DOCK5: variants seen among roughly 807,000 people sequenced by gnomAD.
DOCK5 encodes dedicator of cytokinesis 5, also known as dedicator of cytokinesis protein 5.
In DOCK5, 142 loss-of-function variants were observed where a neutral mutation model predicts 251.8. The ratio of observed to expected loss-of-function variants is 0.56; its 90% CI spans 0.49 to 0.65. The LOEUF (loss-of-function observed/expected upper bound fraction) is 0.65. Among genes scored for constraint, DOCK5 ranks in the 30% least tolerant of loss-of-function variants. The pLI is 0.00. For missense variants in DOCK5, 2,111 were observed against 2,312.3 expected, an observed-to-expected ratio of 0.91 and a Z score of 1.79; for synonymous variants, 842 against 835.5, an observed-to-expected ratio of 1.01 and a Z score of -0.13.
At chr8:25,254,098 G>A (rs1803347975) in intron 2 of DOCK5, among the ~76,000 whole-genome samples, 1 of 152,206 alleles carries the variant, frequency 6.6e-6, no homozygotes, top group Admixed American at 6.5e-5. Context: ...AATATAGTCA[G>A]CTGACCTTTG....
At chr8:25,317,619 T>G (rs1030852488) in intron 14 of DOCK5, among the ~76,000 whole-genome samples, 2 of 152,162 alleles carry the variant, frequency 1.3e-5, no homozygotes, top group African/African-American at 2.4e-5. Context: ...GTTTGTTTGT[T>G]TGTTTTTTTG....
intron 34 of DOCK5, 93 bp from the exon 35 acceptor site, chr8:25,372,466 C>G (rs1563219949): frequency 1.5e-6 from 2 of 1,340,176 alleles, no homozygotes; most frequent in Non-Finnish European, 2.0e-6. Flanking sequence ...AAATCCTGCC[C>G]CAGCCACTGC....
At chr8:25,335,259 A>T (rs1805775716) in intron 21 of DOCK5, among the ~76,000 whole-genome samples, 1 of 152,226 alleles carries the variant, frequency 6.6e-6, no homozygotes, top group Admixed American at 6.5e-5. Flanking sequence ...TCCACCCAGG[A>T]GCCTCACATC....
At chr8:25,297,905 A>G (rs1360638969) in intron 7 of DOCK5, among the ~76,000 whole-genome samples, 1 of 151,872 alleles carries the variant, frequency 6.6e-6, no homozygotes, top group South Asian at 2.1e-4. Context: ...ATTTTTTAAA[A>G]AATTAGCTGG....
At chr8:25,275,563 G>GA in intron 4 of DOCK5, 122 bp downstream of exon 4, 4 of 968,976 alleles carry the variant, frequency 4.1e-6, no homozygotes, top group Non-Finnish European at 6.0e-6. Flanking sequence ...GGCCAGGCGT[G>GA]GTGGCTCACG....
chr8:25,318,538 T>G, intron 14 of DOCK5, among the ~76,000 whole-genome samples: 1 of 91,328 alleles, frequency 1.1e-5, no homozygotes. Flanking sequence ...TCTCCTCCCC[T>G]TCCCCCTCCA....
At chr8:25,403,522 C>T in intron 47 of DOCK5, 36 bp from the exon 48 acceptor site, 1 of 1,607,016 alleles carries the variant, frequency 6.2e-7, no homozygotes, top group Non-Finnish European at 8.5e-7. Flanking sequence ...GGCTGGATTC[C>T]AGGTCCGCTA....
chr8:25,373,568 A>G (rs761613884), intron 35 of DOCK5, 50 bp from the exon 36 acceptor site: 14 of 1,533,484 alleles, frequency 9.1e-6, no homozygotes, highest in Middle Eastern at 1.7e-4. Context: ...TTTTGTGTCA[A>G]TAGCTCTTGA....
intron 34 of DOCK5, among the ~76,000 whole-genome samples, chr8:25,370,337 C>T (rs1174211310): frequency 6.6e-6 from 1 of 152,228 alleles, no homozygotes; most frequent in Non-Finnish European, 1.5e-5. Flanking sequence ...AGTGATTCTG[C>T]TTATCCAACA....
At position 25,256,932 on chromosome 8, in the gene DOCK5, T is replaced by G. The variant is rs1803436668; in HGVS notation, c.128-11913T>G. On this transcript the variant is annotated intron_variant, in intron 2 of 51. Coordinates refer to ENST00000276440, the MANE Select transcript of DOCK5 (RefSeq NM_024940.8). The stretch of plus-strand genomic sequence containing the variant: ...CTCTTTCTTTTAAAGTCATCTTTTC[T>G]ACCATTTTCTTGGAGTAGGGAAGTT... 2.0e-5 allele frequency among the ~76,000 whole-genome samples: 3 copies of G among 152,186 alleles called. No individual in the cohort carries two copies. In the South Asian group the frequency reaches 6.2e-4, roughly 32 times the overall value.
intron 1 of DOCK5, among the ~76,000 whole-genome samples, chr8:25,221,772 G>A (rs1028233485): frequency 6.6e-6 from 1 of 152,160 alleles, no homozygotes; most frequent in Non-Finnish European, 1.5e-5. Context: ...TGCATAAAGT[G>A]TACAGTTATT....
intron 13 of DOCK5, among the ~76,000 whole-genome samples, chr8:25,314,776 T>A (rs1419621987): frequency 8.1e-6 from 1 of 123,060 alleles, no homozygotes; most frequent in African/African-American, 3.1e-5. Flanking sequence ...CACCCACCTA[T>A]CCATCCACTG....
chr8:25,220,724 T>C (rs1432788522), intron 1 of DOCK5, among the ~76,000 whole-genome samples: 2 of 152,176 alleles, frequency 1.3e-5, no homozygotes. Flanking sequence ...GTGATGCTCC[T>C]GCCTCAGACT....
Position 25,354,234 on chromosome 8 carries a change from G to A in DOCK5, c.2850+2408G>A, listed in dbSNP as rs188082223. ...AAAAAACAGGATTGAAGAACATTGCGTTATGCTAAAACTGATATACTTTTA... is the reference window on the plus strand; with the variant it reads ...AAAAAACAGGATTGAAGAACATTGCATTATGCTAAAACTGATATACTTTTA... On this transcript the variant is annotated intron_variant, in intron 27 of 51. Coordinates refer to ENST00000276440, the MANE Select transcript of DOCK5 (RefSeq NM_024940.8). Among the ~76,000 whole-genome samples the A allele has an allele frequency of 3.9e-5, 6 of 152,034 alleles. No individual in the cohort carries two copies. The East Asian group carries it at 5.8e-4, about 15-fold the overall frequency.
chr8:25,207,436 G>A (rs1802027061), intron 1 of DOCK5, among the ~76,000 whole-genome samples: 1 of 152,198 alleles, frequency 6.6e-6, no homozygotes, highest in Non-Finnish European at 1.5e-5. Flanking sequence ...TCAGTGACGG[G>A]CATCAAAGGA....
chr8:25,250,388 G>A (rs967381048), intron 2 of DOCK5, among the ~76,000 whole-genome samples: 1 of 152,216 alleles, frequency 6.6e-6, no homozygotes, highest in African/African-American at 2.4e-5. Flanking sequence ...TGAAGCGAGC[G>A]TTCTTGCCTT....
chr8:25,380,525 A>C (rs747167507), intron 39 of DOCK5, 131 bp downstream of exon 39: 2 of 744,414 alleles, frequency 2.7e-6, no homozygotes, highest in Non-Finnish European at 4.4e-6. Context: ...CTTTGCTTGA[A>C]ATGAGAATGA....
Position 25,296,591 on chromosome 8 carries a change from C to T in DOCK5, c.549C>T (p.Leu183=). The stretch of plus-strand genomic sequence containing the variant: ...CTGACGAAACCAGCACCATTGCCCT[C>T]TTCAAGGCCCATGAGGTGGCCTCCA... ...LDPDETSTIA[L]FKAHEVASKR... is the part of the protein sequence containing the mutation. The change falls in exon 7 of 52, where the codon CTC becomes CTT. Residue 183 remains leucine (L), a synonymous_variant. Transcript: ENST00000276440. 1 of 1,612,640 alleles carries T rather than the reference C, an allele frequency of 6.2e-7. No homozygotes were observed. Among genetic ancestry groups the T allele is most frequent in the South Asian group, 1.1e-5 (1 of 90,678 alleles).
chr8:25,327,652 T>C (rs1805592899), intron 18 of DOCK5, among the ~76,000 whole-genome samples: 1 of 152,230 alleles, frequency 6.6e-6, no homozygotes, highest in African/African-American at 2.4e-5. Flanking sequence ...ATCTTCTGAA[T>C]GTTCTTAACT....
Sources: gnomAD v4.1 joint callset for allele counts (sites outside exome capture counted in the v4.1 genomes callset) on GRCh38, gnomAD v4.1.1 for gene constraint, MANE v1.5 for transcripts, NCBI Gene and HGNC (gene_info 2026-07-23, HGNC 2026-07-21) for gene names.